ARHGAP44: variants seen among roughly 807,000 people sequenced by gnomAD.
ARHGAP44 encodes Rho GTPase activating protein 44.
A neutral mutation model predicts 106.8 loss-of-function variants in ARHGAP44; 43 were observed. The ratio of observed to expected loss-of-function variants is 0.40; its 90% confidence interval spans 0.32 to 0.52. ARHGAP44 has a LOEUF of 0.52. Ranked by LOEUF, ARHGAP44 falls within the 20% of genes least tolerant of loss-of-function variation. The pLI, the probability that ARHGAP44 is intolerant of heterozygous loss-of-function variation, is 0.48. For missense variants in ARHGAP44, 866 were observed against 1,050.5 expected, an observed-to-expected ratio of 0.82 and a Z score of 2.43; for synonymous variants, 439 against 410.3, an observed-to-expected ratio of 1.07 and a Z score of -0.85.
rs545967302 is a variant in ARHGAP44, at chr17:12,883,379, C to CT, written c.54-11554dup. On this transcript the variant is annotated intron_variant, in intron 1 of 20. Transcript: ENST00000379672. The stretch of plus-strand genomic sequence containing the variant: ...ATGATTTTTACTATATTATTAGTTT[C>CT]TTTTTTTATTGTTTTTTCTTCTAAT... Among the ~76,000 whole-genome samples the CT allele has an allele frequency of 2.3e-4, 35 of 151,000 alleles. No individual in the cohort carries two copies. In the South Asian group the frequency reaches 6.9e-3, roughly 30 times the overall value.
At chr17:12,803,036 G>A (rs1351199868) in intron 1 of ARHGAP44, among the ~76,000 whole-genome samples, 1 of 137,958 alleles carries the variant, frequency 7.2e-6, no homozygotes, top group Non-Finnish European at 1.5e-5. Context: ...ACAGTGGCGC[G>A]ATCTTGGCTC....
At chr17:12,871,070 T>C (rs111503141) in intron 1 of ARHGAP44, among the ~76,000 whole-genome samples, 2 of 152,350 alleles carry the variant, frequency 1.3e-5, no homozygotes, top group African/African-American at 4.8e-5. Context: ...CGTAATCACA[T>C]AGTTTGGCCT....
In ARHGAP44 at chr17:12,926,325, A is replaced by T. The variant is rs192820298; in HGVS notation, c.465-2604A>T. On this transcript the variant is annotated intron_variant, in intron 6 of 20. Transcript: ENST00000379672. ...AGTTGCAGTGAGCTGAGATTGCACC[A>T]CTGCACTCCAGCCTGGGTGACAGAG... Among the ~76,000 whole-genome samples the T allele has an allele frequency of 6.8e-4, 102 of 151,106 alleles. 1 individual carries two copies. The highest frequency in any genetic ancestry group is 2.2e-3 in the African/African-American group (91 of 41,208).
chr17:12,859,743 C>T (rs988529571), intron 1 of ARHGAP44, among the ~76,000 whole-genome samples: 23 of 152,160 alleles, frequency 1.5e-4, no homozygotes, highest in Admixed American at 9.8e-4. Context: ...TTATTACATT[C>T]GCAGTCGCCA....
At chr17:12,845,308 G>C (rs1161343250) in intron 1 of ARHGAP44, among the ~76,000 whole-genome samples, 3 of 152,140 alleles carry the variant, frequency 2.0e-5, no homozygotes, top group Admixed American at 6.5e-5. Context: ...AAGAGATCGA[G>C]ACCAGCCTGG....
intron 3 of ARHGAP44, among the ~76,000 whole-genome samples, chr17:12,900,750 A>G (rs1457116433): frequency 2.6e-5 from 4 of 152,038 alleles, no homozygotes; most frequent in African/African-American, 9.7e-5. Context: ...ACCGTGTCTT[A>G]GTGCCAAGAA....
chr17:12,923,883 A>G (rs148986396), intron 6 of ARHGAP44, among the ~76,000 whole-genome samples: 3 of 152,248 alleles, frequency 2.0e-5, no homozygotes, highest in Admixed American at 6.5e-5. Flanking sequence ...ATGCTGTGCT[A>G]TTGAACAGCA....
chr17:12,857,527 T>C (rs916659203), intron 1 of ARHGAP44, among the ~76,000 whole-genome samples: 4 of 152,156 alleles, frequency 2.6e-5, no homozygotes, highest in Admixed American at 2.6e-4. Context: ...TATCTAGTCC[T>C]AATTATCTCC....
At chr17:12,849,789 A>T (rs988041436) in intron 1 of ARHGAP44, among the ~76,000 whole-genome samples, 1 of 152,082 alleles carries the variant, frequency 6.6e-6, no homozygotes, top group African/African-American at 2.4e-5. Flanking sequence ...TCATAAAAAA[A>T]TAGGTAGCAT....
intron 16 of ARHGAP44, among the ~76,000 whole-genome samples, chr17:12,965,016 C>T (rs1422091536): frequency 6.6e-6 from 1 of 152,270 alleles, no homozygotes; most frequent in Non-Finnish European, 1.5e-5. Flanking sequence ...CTGGCTCTGG[C>T]CCCTGCTCCC....
intron 10 of ARHGAP44, among the ~76,000 whole-genome samples, chr17:12,947,105 G>GT (rs2038870909): frequency 6.6e-6 from 1 of 152,124 alleles, no homozygotes; most frequent in Admixed American, 6.6e-5. Context: ...CTTTGGTTTT[G>GT]TTTTTTATGC....
rs780417059 is a variant in ARHGAP44 at position 12,944,202 on chromosome 17, T to A, written c.861+6T>A. 6.2e-7 allele frequency: 1 copy of A among 1,603,138 alleles called. No individual in the cohort carries two copies. The highest frequency in any genetic ancestry group is 8.5e-7 in the Non-Finnish European group (1 of 1,174,774). The stretch of plus-strand genomic sequence containing the variant: ...AGTGTGGGATGCAGGAGGAGGTAGG[T>A]CTGAGCACAGCCACACGCCGCCCCG... On this transcript the variant is annotated splice_donor_region_variant and intron_variant, in intron 10 of 20. Transcript: ENST00000379672.
chr17:12,959,143 A>C (rs2039199367), intron 16 of ARHGAP44: 1 of 465,096 alleles, frequency 2.2e-6, no homozygotes, highest in Admixed American at 3.5e-5. Flanking sequence ...ATTAGTTCTC[A>C]TCAAAAGAAA....
Position 12,841,594 on chromosome 17 carries a change from T to TCTCTCTCTCTCTCACACACACACACACA in ARHGAP44, c.53+51704_53+51705insTCTCTCTCTCTCACACACACACACACAC, listed in dbSNP as rs1417307080. The stretch of plus-strand genomic sequence containing the variant: ...GAGACCCTGTCTCTCTGTCTCTCTC[T>TCTCTCTCTCTCTCACACACACACACACA]CACACACACACACACACACACACAC... On this transcript the variant is annotated intron_variant, in intron 1 of 20. Coordinates refer to ENST00000379672, the MANE Select transcript of ARHGAP44 (RefSeq NM_014859.6). Among the ~76,000 whole-genome samples, 3 of 126,582 alleles carry TCTCTCTCTCTCTCACACACACACACACA rather than the reference T, an allele frequency of 2.4e-5. No individual in the cohort carries two copies. In the East Asian group the frequency reaches 7.8e-4, roughly 33 times the overall value. The allele number at this position is 126,582 out of a possible 152,430, so 83.0% of individuals were successfully genotyped here.
chr17:12,895,111 T>G, intron 2 of ARHGAP44, 132 bp downstream of exon 2: 1 of 770,408 alleles, frequency 1.3e-6, no homozygotes, highest in Non-Finnish European at 2.1e-6. Flanking sequence ...AGCCTGGCGA[T>G]ACAGCGAGAC....
chr17:12,829,820 A>G (rs898933783), intron 1 of ARHGAP44, among the ~76,000 whole-genome samples: 1 of 152,118 alleles, frequency 6.6e-6, no homozygotes, highest in African/African-American at 2.4e-5. Flanking sequence ...CCCCACATTC[A>G]TGATCCAACC....
At chr17:12,927,696 GAAC>G in intron 6 of ARHGAP44, among the ~76,000 whole-genome samples, 1 of 152,254 alleles carries the variant, frequency 6.6e-6, no homozygotes, top group South Asian at 2.1e-4. Context: ...TGGAGCTCAT[GAAC>G]AGCTACCCTC....
intron 1 of ARHGAP44, among the ~76,000 whole-genome samples, chr17:12,812,212 G>C (rs1369001917): frequency 3.9e-5 from 6 of 152,158 alleles, no homozygotes; most frequent in Non-Finnish European, 7.4e-5. Context: ...GCTGATATTT[G>C]AGGCTGGTTT....
intron 6 of ARHGAP44, among the ~76,000 whole-genome samples, chr17:12,923,978 C>T (rs2038163309): frequency 6.6e-6 from 1 of 152,212 alleles, no homozygotes; most frequent in Non-Finnish European, 1.5e-5. Flanking sequence ...GCCAATGGCA[C>T]AGGTTAGTTT....
Sources: allele counts gnomAD v4.1 joint callset (sites outside exome capture counted in the v4.1 genomes callset), GRCh38; gene constraint gnomAD v4.1.1; transcripts MANE v1.5; gene names NCBI Gene and HGNC (gene_info 2026-07-23, HGNC 2026-07-21).